The following RNF13 variants were observed in gnomAD, a reference collection of about 807,000 sequenced individuals.
RNF13 encodes E3 ubiquitin-protein ligase RNF13.
Under a neutral mutation model 37.7 loss-of-function variants are expected in RNF13, and 19 were observed. The ratio of observed to expected loss-of-function variants is 0.50; its 90% confidence interval spans 0.35 to 0.74. The LOEUF (loss-of-function observed/expected upper bound fraction) is 0.74. RNF13 is among the 30% of genes least tolerant of loss of function. The pLI is 0.01. For missense variants in RNF13, 375 were observed against 453.0 expected, an observed-to-expected ratio of 0.83 and a Z score of 1.56; for synonymous variants, 144 against 157.8, an observed-to-expected ratio of 0.91 and a Z score of 0.65.
intron 8 of RNF13, among the ~76,000 whole-genome samples, chr3:149,930,644 C>A (rs1243990963): frequency 6.6e-6 from 1 of 152,098 alleles, no homozygotes; most frequent in Non-Finnish European, 1.5e-5. Context: ...TGGGTAATTT[C>A]TTTCCTGAGT....
rs546059311 is a variant in RNF13, at chr3:149,903,504, TG to T, written c.500+1343del. 2.8e-3 allele frequency among the ~76,000 whole-genome samples: 429 copies of T among 152,220 alleles called. 4 individuals carry two copies. Among genetic ancestry groups the T allele is most frequent in the Middle Eastern group, 0.01 (3 of 294 alleles). On this transcript the variant is annotated intron_variant, in intron 6 of 9. Coordinates refer to ENST00000392894, the MANE Select transcript of RNF13 (RefSeq NM_183381.3). ...AACTACTGTTTTTTAAAAAGCCCTT[TG>T]TTTTTCCCCATATTTGCTTATTCAC...
At chr3:149,817,055 G>C (rs1304101010) in intron 1 of RNF13, among the ~76,000 whole-genome samples, 1 of 152,136 alleles carries the variant, frequency 6.6e-6, no homozygotes, top group Non-Finnish European at 1.5e-5. Context: ...GGATGATAGG[G>C]AGTTTACTTT....
chr3:149,908,047 C>G (rs1716613205), intron 6 of RNF13, among the ~76,000 whole-genome samples: 1 of 152,174 alleles, frequency 6.6e-6, no homozygotes, highest in African/African-American at 2.4e-5. Flanking sequence ...CCCAATCTGA[C>G]AAGAAGAAAA....
At chr3:149,848,706 G>T (rs905553188) in intron 2 of RNF13, among the ~76,000 whole-genome samples, 5 of 151,944 alleles carry the variant, frequency 3.3e-5, no homozygotes, top group Admixed American at 6.6e-5. Context: ...TTTTTTGGTT[G>T]GTTGGTTGGT....
intron 3 of RNF13, among the ~76,000 whole-genome samples, chr3:149,861,505 C>T: frequency 6.6e-6 from 1 of 152,074 alleles, no homozygotes. Flanking sequence ...ATTATTATGT[C>T]AAGTGGAATT....
intron 8 of RNF13, among the ~76,000 whole-genome samples, chr3:149,954,789 T>C (rs2108610191): frequency 6.6e-6 from 1 of 152,324 alleles, no homozygotes; most frequent in East Asian, 1.9e-4. Flanking sequence ...GCCTTTTAGT[T>C]GTTTTCTTGC....
chr3:149,916,068 C>A (rs894478248), intron 7 of RNF13, among the ~76,000 whole-genome samples: 4 of 151,642 alleles, frequency 2.6e-5, no homozygotes, highest in Admixed American at 2.6e-4. Context: ...ACTAAGCTTT[C>A]TCTTACTTTC....
At position 149,846,054 on chromosome 3, in the gene RNF13, C is replaced by G. The variant is rs1158035095; in HGVS notation, c.28C>G (p.Leu10Val). MLLSIGMLMLSATQVYTILT... is the reference protein window; with the variant it reads MLLSIGMLMVSATQVYTILT... Reference sequence around the variant, plus strand: ...GCTGCTCTCCATAGGGATGCTCATGCTGTCAGCCACACAAGTCTACACCAT... The same window carrying G: ...GCTGCTCTCCATAGGGATGCTCATGGTGTCAGCCACACAAGTCTACACCAT... The change falls in exon 2 of 10, where the codon CTG (leucine) becomes GTG (valine). Residue 10 changes from leucine to valine, a missense_variant. Transcript: ENST00000392894. The G allele has an allele frequency of 6.2e-7, 1 of 1,611,884 alleles. No homozygotes were observed. Among genetic ancestry groups the G allele is most frequent in the Middle Eastern group, 2.1e-4 (1 of 4,832 alleles).
At chr3:149,936,569 T>A (rs997926470) in intron 8 of RNF13, among the ~76,000 whole-genome samples, 1 of 152,120 alleles carries the variant, frequency 6.6e-6, no homozygotes, top group Non-Finnish European at 1.5e-5. Flanking sequence ...TCTATTTTTT[T>A]AATTTTTTAA....
intron 2 of RNF13, 34 bp from the exon 3 acceptor site, chr3:149,852,482 G>A (rs769696261): frequency 1.0e-6 from 1 of 988,408 alleles, no homozygotes; most frequent in South Asian, 1.7e-5. Flanking sequence ...ATATAAATTG[G>A]TCTTAACTTG....
At chr3:149,874,772 C>T (rs960615458) in intron 4 of RNF13, among the ~76,000 whole-genome samples, 29 of 152,064 alleles carry the variant, frequency 1.9e-4, no homozygotes, top group Non-Finnish European at 4.3e-4. Context: ...GATCACCTAT[C>T]AAGGTAGTGT....
chr3:149,869,770 C>T (rs1275774708), intron 3 of RNF13, among the ~76,000 whole-genome samples: 1 of 151,846 alleles, frequency 6.6e-6, no homozygotes, highest in Non-Finnish European at 1.5e-5. Context: ...TCTTCTCTGT[C>T]TGGCTTGTTT....
chr3:149,860,256 TAAAAA>T (rs764889596), intron 3 of RNF13, among the ~76,000 whole-genome samples: 1 of 57,854 alleles, frequency 1.7e-5, no homozygotes, highest in Non-Finnish European at 3.3e-5. Flanking sequence ...AGACTCCATC[TAAAAA>T]AAAAAAAAAA....
At chr3:149,838,205 T>C (rs528903802) in intron 1 of RNF13, among the ~76,000 whole-genome samples, 253 of 152,354 alleles carry the variant, frequency 1.7e-3, no homozygotes, top group Non-Finnish European at 3.1e-3. Context: ...TCTTGGCTGC[T>C]TTCATGGGCT....
chr3:149,833,330 G>T (rs546588369), intron 1 of RNF13, among the ~76,000 whole-genome samples: 19 of 152,122 alleles, frequency 1.2e-4, no homozygotes, highest in African/African-American at 4.1e-4. Context: ...ATTTTGGCCA[G>T]GCAGGCCATT....
At chr3:149,835,851 C>A (rs138593402) in intron 1 of RNF13, among the ~76,000 whole-genome samples, 29 of 136,972 alleles carry the variant, frequency 2.1e-4, no homozygotes, top group African/African-American at 7.4e-4. Flanking sequence ...AGTGGGATTG[C>A]TGGATCCCCA....
chr3:149,881,680 T>C (rs374820007), intron 4 of RNF13, among the ~76,000 whole-genome samples: 65 of 152,364 alleles, frequency 4.3e-4, no homozygotes, highest in African/African-American at 1.5e-3. Context: ...GCTTCTGTTT[T>C]TTGGTATACT....
intron 8 of RNF13, among the ~76,000 whole-genome samples, chr3:149,954,074 T>C (rs1358036374): frequency 1.3e-5 from 2 of 152,188 alleles, no homozygotes; most frequent in African/African-American, 4.8e-5. Flanking sequence ...TTGAGCTAGT[T>C]GTATGTTTGT....
In RNF13 at chr3:149,942,382, G is replaced by A. The variant is rs143526137; in HGVS notation, c.701-17674G>A. 3.4e-3 allele frequency among the ~76,000 whole-genome samples: 518 copies of A among 152,206 alleles called. 4 individuals are homozygous for A. The highest frequency in any genetic ancestry group is 0.012 in the African/African-American group (506 of 41,552). ...ATCTTCTTTGATTTCTTGTGGCAGT[G>A]TTTAGTTTGTAGTGTAGAAACCTTT... On this transcript the variant is annotated intron_variant, in intron 8 of 9. Transcript: ENST00000392894.
Sources: allele counts gnomAD v4.1 joint callset (sites outside exome capture counted in the v4.1 genomes callset), GRCh38; gene constraint gnomAD v4.1.1; transcripts MANE v1.5; gene names NCBI Gene and HGNC (gene_info 2026-07-23, HGNC 2026-07-21).